TSPAN11: variants seen among roughly 807,000 people sequenced by gnomAD.
The protein encoded by TSPAN11 is tetraspanin 11.
A neutral mutation model predicts 32.9 loss-of-function variants in TSPAN11; 29 were observed. That is an observed-to-expected ratio of 0.88 (90% CI 0.66 to 1.20). The LOEUF (loss-of-function observed/expected upper bound fraction) is 1.20. TSPAN11 is among the 50% of genes most tolerant of loss of function. The probability of loss-of-function intolerance (pLI) is 0.00; values close to 1 mark genes in which losing one functional copy is unlikely to be tolerated. For missense variants in TSPAN11, 283 were observed against 329.1 expected (o/e 0.86, Z 1.08); for synonymous variants, 140 against 141.3 (o/e 0.99, Z 0.07).
chr12:31,012,730 C>T, the TSPAN11 span: 1 of 152,258 alleles, frequency 6.6e-6, no homozygotes, highest in African/African-American at 2.4e-5. Context: ...GCCAACTGAT[C>T]CTCCACCATC....
At chr12:30,970,573 G>A (rs536720166) in intron 3 of TSPAN11, among the ~76,000 whole-genome samples, 13 of 152,060 alleles carry the variant, frequency 8.5e-5, no homozygotes, top group African/African-American at 1.9e-4. Context: ...TCTGTCCACC[G>A]GCTCTCTGCA....
chr12:31,011,437 A>C, the TSPAN11 span, among the ~76,000 whole-genome samples: 1 of 152,208 alleles, frequency 6.6e-6, no homozygotes, highest in African/African-American at 2.4e-5. Flanking sequence ...AAGAAATGCC[A>C]ATCAGCCAAT....
the TSPAN11 span, among the ~76,000 whole-genome samples, chr12:31,010,264 G>A: frequency 6.6e-6 from 1 of 152,234 alleles, no homozygotes; most frequent in African/African-American, 2.4e-5. Flanking sequence ...CTGATGCCAT[G>A]TCACCACCCT....
At chr12:30,997,281 ATAT>A (rs2140319438), downstream of TSPAN11, 1 of 152,360 alleles carries the variant, frequency 6.6e-6, no homozygotes, top group South Asian at 2.1e-4. Flanking sequence ...TAAAACGGTC[ATAT>A]TATTTCATTC....
chr12:30,990,973 G>A (rs1178547436), intron 7 of TSPAN11, among the ~76,000 whole-genome samples: 1 of 152,210 alleles, frequency 6.6e-6, no homozygotes, highest in Non-Finnish European at 1.5e-5. Context: ...TTGGGTGGGA[G>A]GGAGGAGAGG....
rs190177701 is a variant in TSPAN11, at chr12:30,953,418, C to T, written c.-11-563C>T. 6.2e-3 allele frequency among the ~76,000 whole-genome samples: 937 copies of T among 152,170 alleles called. 5 individuals carry two copies. The highest frequency in any genetic ancestry group is 7.4e-3 in the Non-Finnish European group (501 of 68,018). Reference sequence around the variant, plus strand: ...GACTCCAGAGGCTCTTGTGCTTCTTCCTGCCAAACCACCAGGCCTGTCTGG... The same window carrying T: ...GACTCCAGAGGCTCTTGTGCTTCTTTCTGCCAAACCACCAGGCCTGTCTGG... On this transcript the variant is annotated intron_variant, in intron 1 of 7. Transcript: ENST00000546076.
intron 7 of TSPAN11, among the ~76,000 whole-genome samples, chr12:30,987,075 G>A (rs745505406): frequency 6.6e-6 from 1 of 152,236 alleles, no homozygotes; most frequent in Non-Finnish European, 1.5e-5. Flanking sequence ...ACCTTTAATA[G>A]AGTTAAAGTC....
chr12:30,975,657 C>T lies in TSPAN11; in HGVS notation c.277-2904C>T, dbSNP rs1182078543. On this transcript the variant is annotated intron_variant, in intron 3 of 7. Transcript: ENST00000546076. The surrounding 1 kb of genome is among the most constrained non-coding windows in gnomAD (Gnocchi z 4.5). ...CTACCTCCCCATCCTCCCTGTTCCC[C>T]ACCCCGTCTTCAATAGTAACTGGGG... Among the ~76,000 whole-genome samples the T allele has an allele frequency of 1.4e-4, 21 of 152,080 alleles. No individual in the cohort carries two copies. The highest frequency in any genetic ancestry group is 1.0e-3 in the Admixed American group (16 of 15,278).
At chr12:30,978,787 C>G (rs932229301) in intron 4 of TSPAN11, 152 bp downstream of exon 4, 15 of 671,746 alleles carry the variant, frequency 2.2e-5, no homozygotes, top group Non-Finnish European at 3.7e-5. Flanking sequence ...TATCTGCATC[C>G]CAGCTGCTGG....
At chr12:30,988,339 C>G (rs544557305) in intron 7 of TSPAN11, 17 of 152,486 alleles carry the variant, frequency 1.1e-4, no homozygotes, top group African/African-American at 4.1e-4. Flanking sequence ...GCCTGTAATC[C>G]CAGCACTTGG....
Position 30,980,780 on chromosome 12 carries a change from A to T in TSPAN11, c.456+1110A>T, listed in dbSNP as rs1291669101. On this transcript the variant is annotated intron_variant, in intron 5 of 7. Transcript: ENST00000546076. Reference sequence around the variant, plus strand: ...TGTACACACAAGTGCACACCCACAGACACACTCGCACCCCATGGGCTTAGC... The same window carrying T: ...TGTACACACAAGTGCACACCCACAGTCACACTCGCACCCCATGGGCTTAGC... Among the ~76,000 whole-genome samples the T allele has an allele frequency of 2.0e-5, 3 of 152,220 alleles. No individual in the cohort carries two copies. The East Asian group carries it at 5.8e-4, about 29-fold the overall frequency.
At chr12:30,946,962 A>ATTGG (rs1938281649) in intron 1 of TSPAN11, among the ~76,000 whole-genome samples, 9 of 152,150 alleles carry the variant, frequency 5.9e-5, no homozygotes, top group African/African-American at 9.7e-5. Context: ...CCATTGGTTC[A>ATTGG]AGAAGCCCAA....
chr12:30,952,295 T>C (rs1938397631), intron 1 of TSPAN11, among the ~76,000 whole-genome samples: 1 of 152,190 alleles, frequency 6.6e-6, no homozygotes, highest in Non-Finnish European at 1.5e-5. Flanking sequence ...ACGCTGCACC[T>C]GGTCTCTTGT....
the TSPAN11 span, among the ~76,000 whole-genome samples, chr12:31,005,346 A>G: frequency 6.6e-6 from 1 of 152,042 alleles, no homozygotes; most frequent in Non-Finnish European, 1.5e-5. Context: ...CACCCTGCCA[A>G]CTCCCCCACA....
At chr12:30,939,889 G>C (rs1207596308) in intron 1 of TSPAN11, among the ~76,000 whole-genome samples, 2 of 152,152 alleles carry the variant, frequency 1.3e-5, no homozygotes, top group Non-Finnish European at 1.5e-5. Context: ...TTGGTGCCTT[G>C]TTTGGATTAT....
At chr12:30,959,923 G>A (rs1047754005) in intron 2 of TSPAN11, among the ~76,000 whole-genome samples, 1 of 149,882 alleles carries the variant, frequency 6.7e-6, no homozygotes, top group Admixed American at 6.6e-5. Flanking sequence ...CATGGGAGCT[G>A]GTGGGGACTT....
chr12:31,005,429 T>C, the TSPAN11 span, among the ~76,000 whole-genome samples: 16 of 152,190 alleles, frequency 1.1e-4, no homozygotes, highest in African/African-American at 3.9e-4. Flanking sequence ...GCCTACCCCA[T>C]GGGGGGAACA....
chr12:30,926,987 T>C lies in TSPAN11; in HGVS notation c.-12+191T>C, dbSNP rs542449510. On this transcript the variant is annotated intron_variant, in intron 1 of 7. Transcript: ENST00000546076. ...GAGGAGGCAGGAATGCCTGGGACAC[T>C]CGCGGGGCATGTGAGCAGGTATTGG... The C allele has an allele frequency of 2.6e-5, 33 of 1,282,794 alleles. No individual in the cohort carries two copies. In the African/African-American group the frequency reaches 4.1e-4, roughly 16 times the overall value. The allele number at this position is 1,282,794 out of a possible 1,614,324, so 79.5% of individuals were successfully genotyped here. A position where few individuals can be genotyped will look rare whatever the true frequency, so the allele number is the denominator to read the frequency against.
chr12:30,948,309 C>T (rs1211145459), intron 1 of TSPAN11, among the ~76,000 whole-genome samples: 1 of 152,236 alleles, frequency 6.6e-6, no homozygotes, highest in African/African-American at 2.4e-5. Flanking sequence ...CTAGGCAGTG[C>T]CCCAGTAGGA....
Sources: gnomAD v4.1 joint callset for allele counts (sites outside exome capture counted in the v4.1 genomes callset) on GRCh38, gnomAD v4.1.1 for gene constraint, Gnocchi (gnomAD v3.1) non-coding constraint, MANE v1.5 for transcripts, NCBI Gene and HGNC (gene_info 2026-07-23, HGNC 2026-07-21) for gene names.